The following SDSL variants were observed in gnomAD, a reference collection of about 807,000 sequenced individuals.
SDSL encodes serine dehydratase-like.
A neutral mutation model predicts 27.6 loss-of-function variants in SDSL; 26 were observed. That is an observed-to-expected ratio of 0.94 (90% CI 0.69 to 1.31). The LOEUF (loss-of-function observed/expected upper bound fraction) is 1.31. Ranked by LOEUF, SDSL falls within the 50% of genes most tolerant of loss-of-function variation. The pLI is 0.00. For missense variants in SDSL, 431 were observed against 423.5 expected (o/e 1.02, Z -0.16); for synonymous variants, 196 against 180.6 (o/e 1.09, Z -0.69).
chr12:113,435,573 G>A lies in SDSL; in HGVS notation c.671+17G>A, dbSNP rs1957981117. ...CATCACCAGGTGGGTAAGGGCTGGGGACATTTGTAGGGGCTGGAGGGTGGG... is the reference window on the plus strand; with the variant it reads ...CATCACCAGGTGGGTAAGGGCTGGGAACATTTGTAGGGGCTGGAGGGTGGG... On this transcript the variant is annotated intron_variant, in intron 6 of 7. Transcript: ENST00000403593. The A allele has an allele frequency of 1.2e-6, 2 of 1,601,570 alleles. No homozygotes were observed.
intron 6 of SDSL, 65 bp downstream of exon 6, chr12:113,435,621 C>T: frequency 7.3e-7 from 1 of 1,361,240 alleles, no homozygotes; most frequent in South Asian, 1.4e-5. Flanking sequence ...CTAGGGCCTT[C>T]CAGTCCCAGC....
chr12:113,426,010 A>G (rs1957845427), intron 1 of SDSL: 2 of 380,742 alleles, frequency 5.3e-6, no homozygotes, highest in Non-Finnish European at 5.3e-6. Flanking sequence ...CACCACCAAC[A>G]CCACCACCAC....
chr12:113,428,471 T>C lies in SDSL; in HGVS notation c.214+12T>C. The C allele has an allele frequency of 1.2e-6, 2 of 1,606,068 alleles. No homozygotes were observed. On this transcript the variant is annotated intron_variant, in intron 3 of 7. Coordinates refer to ENST00000403593, the MANE Select transcript of SDSL (RefSeq NM_001304993.2). ...GGTGTGCTCCTCAGGTGACCCCACC[T>C]TTTTTTGTTTCATGGGCAGAGGTTG...
chr12:113,435,079 C>A (rs1031776570), intron 5 of SDSL, among the ~76,000 whole-genome samples: 1 of 152,206 alleles, frequency 6.6e-6, no homozygotes, highest in African/African-American at 2.4e-5. Flanking sequence ...CGTGCCACTG[C>A]ACTCCAGCCT....
chr12:113,435,500 C>T lies in SDSL; in HGVS notation c.615C>T (p.His205=). Residue 205 remains histidine, a synonymous_variant, in exon 6 of 8, where the codon CAC becomes CAT. Transcript: ENST00000403593. ...PIIAMETHGA[H]CFNAAITAGK... ...TTGCCATGGAGACCCATGGGGCACA[C>T]TGCTTCAATGCGGCCATCACAGCCG... is the stretch of plus-strand genomic sequence containing the variant. The T allele has an allele frequency of 6.2e-7, 1 of 1,614,180 alleles. No individual in the cohort carries two copies. The highest frequency in any genetic ancestry group is 1.7e-4 in the Middle Eastern group (1 of 6,060).
intron 1 of SDSL, among the ~76,000 whole-genome samples, chr12:113,424,306 G>A (rs1299906967): frequency 6.6e-6 from 1 of 152,188 alleles, no homozygotes; most frequent in African/African-American, 2.4e-5. Flanking sequence ...ACAGGCATGA[G>A]CCACCGCGCC....
intron 6 of SDSL, among the ~76,000 whole-genome samples, 153 bp downstream of exon 6, chr12:113,435,709 G>A (rs561036676): frequency 6.6e-6 from 1 of 152,334 alleles, no homozygotes; most frequent in East Asian, 1.9e-4. Context: ...TGAGTTAGAA[G>A]GCAGTGCTGA....
At position 113,434,195 on chromosome 12, in the gene SDSL, TC is replaced by T. The variant is rs752093894; in HGVS notation, c.422del (p.Pro141ArgfsTer6). ...GCCAAGAGGGACGGCTGGGAGAATGTCCCCCCGTTTGACCACCCCCTAATAT... is the reference window on the plus strand; with the variant it reads ...GCCAAGAGGGACGGCTGGGAGAATGTCCCCCGTTTGACCACCCCCTAATAT... ...ELAKRDGWENVPPFDHPLIWK... is the reference protein window; with the variant it reads ...ELAKRDGWENXPPFDHPLIWK... On this transcript the variant is annotated frameshift_variant, in exon 5 of 8. Coordinates refer to ENST00000403593, the MANE Select transcript of SDSL (RefSeq NM_001304993.2). LOFTEE classifies it high-confidence loss of function. 1 of 1,613,174 alleles carries T rather than the reference TC, an allele frequency of 6.2e-7. No homozygotes were observed. The highest frequency in any genetic ancestry group is 8.5e-7 in the Non-Finnish European group (1 of 1,179,524).
At position 113,427,971 on chromosome 12, in the gene SDSL, C is replaced by T. The variant is rs376773055; in HGVS notation, c.-12C>T. ...TTGTGTCCTCCTGCAGGCTGTCTAC[C>T]TGGTCTCCAGAATGGACGGCCCTGT... On this transcript the variant is annotated 5_prime_UTR_variant, in exon 2 of 8. Transcript: ENST00000403593. 1 of 1,606,134 alleles carries T rather than the reference C, an allele frequency of 6.2e-7. No homozygotes were observed. The highest frequency in any genetic ancestry group is 8.5e-7 in the Non-Finnish European group (1 of 1,176,304).
At chr12:113,425,291 C>T (rs554294809) in intron 1 of SDSL, among the ~76,000 whole-genome samples, 1 of 152,232 alleles carries the variant, frequency 6.6e-6, no homozygotes, top group South Asian at 2.1e-4. Context: ...GCTTCTTTCC[C>T]CTGATGCCCG....
intron 1 of SDSL, 68 bp from the exon 2 acceptor site, chr12:113,427,894 C>G: frequency 7.0e-7 from 1 of 1,430,288 alleles, no homozygotes; most frequent in South Asian, 1.3e-5. Context: ...CCACCTTCCC[C>G]TCCCTGTCCT....
chr12:113,436,624 TATA>T (rs779023638), intron 6 of SDSL, 124 bp from the exon 7 acceptor site: 165 of 1,009,010 alleles, frequency 1.6e-4, no homozygotes, highest in Middle Eastern at 3.4e-4. Flanking sequence ...CTCTGTGACT[TATA>T]ATGCTGAGCT....
chr12:113,432,256 C>CT (rs1235852824), intron 4 of SDSL, among the ~76,000 whole-genome samples: 1 of 140,542 alleles, frequency 7.1e-6, no homozygotes, highest in Non-Finnish European at 1.5e-5. Flanking sequence ...TTCTTTCTTT[C>CT]TTTCTTTCTT....
rs760996433 is a variant in SDSL at position 113,437,916 on chromosome 12, G to A, written c.827G>A (p.Cys276Tyr). Reference protein sequence around the residue: ...DDERMLVEPACGAALAAIYSG... With the variant: ...DDERMLVEPAYGAALAAIYSG... ...GAGCGTATGCTGGTGGAGCCTGCCT[G>A]TGGGGCAGCCTTAGCAGCCATCTAC... Residue 276 changes from cysteine (C) to tyrosine (Y), a missense_variant, in exon 8 of 8, where the codon TGT becomes TAT. Physicochemically the swap from Cys to Tyr is radical, Grantham distance 194. Transcript: ENST00000403593. 3 of 1,611,272 alleles carry A rather than the reference G, an allele frequency of 1.9e-6. No homozygotes were observed. Among genetic ancestry groups the A allele is most frequent in the South Asian group, 2.2e-5 (2 of 90,716 alleles).
In SDSL at chr12:113,435,383, AGGTGCCCT is replaced by A. The variant is rs1957976291; in HGVS notation, c.504_511del (p.Leu169GlyfsTer79). 6.2e-7 allele frequency: 1 copy of A among 1,605,360 alleles called. No homozygotes were observed. The highest frequency in any genetic ancestry group is 8.5e-7 in the Non-Finnish European group (1 of 1,176,086). On this transcript the variant is annotated frameshift_variant, in exon 6 of 8. Transcript: ENST00000403593. LOFTEE classifies it high-confidence loss of function. ...TGAAAGCAGTGCTGAGGACCCCACCAGGTGCCCTGGTGCTGGCAGTTGGGGGTGGGGGT... is the reference window on the plus strand; with the variant it reads ...TGAAAGCAGTGCTGAGGACCCCACCAGGTGCTGGCAGTTGGGGGTGGGGGT...
intron 1 of SDSL, among the ~76,000 whole-genome samples, chr12:113,425,490 G>T (rs887688742): frequency 6.6e-6 from 1 of 152,206 alleles, no homozygotes; most frequent in Non-Finnish European, 1.5e-5. Context: ...GGTTAGGTTT[G>T]TGAGTGGGCA....
chr12:113,435,458 G>T lies in SDSL; in HGVS notation c.573G>T (p.Trp191Cys). 6.2e-7 allele frequency: 1 copy of T among 1,614,032 alleles called. No individual in the cohort carries two copies. The highest frequency in any genetic ancestry group is 8.5e-7 in the Non-Finnish European group (1 of 1,179,970). Residue 191 changes from tryptophan (W) to cysteine (C), a missense_variant, in exon 6 of 8, where the codon TGG becomes TGT. Physicochemically the swap from Trp to Cys is radical, Grantham distance 215. Transcript: ENST00000403593. ...GVVAGLLEVG[W>C]QHVPIIAMET... The stretch of plus-strand genomic sequence containing the variant: ...TGGCTGGCCTGCTGGAGGTGGGCTG[G>T]CAGCATGTACCCATCATTGCCATGG...
chr12:113,428,903 G>A (rs1314335204), intron 3 of SDSL, among the ~76,000 whole-genome samples: 8 of 151,334 alleles, frequency 5.3e-5, no homozygotes, highest in Admixed American at 2.0e-4. Flanking sequence ...TCGATGCCTC[G>A]CCTCAATCCT....
At chr12:113,426,676 G>A (rs572812505) in intron 1 of SDSL, among the ~76,000 whole-genome samples, 1 of 152,272 alleles carries the variant, frequency 6.6e-6, no homozygotes, top group South Asian at 2.1e-4. Context: ...AGTGACTCGC[G>A]CCTGTAATCC....
Sources: gnomAD v4.1 joint callset for allele counts (sites outside exome capture counted in the v4.1 genomes callset) on GRCh38, gnomAD v4.1.1 for gene constraint, MANE v1.5 for transcripts, NCBI Gene and HGNC (gene_info 2026-07-23, HGNC 2026-07-21) for gene names.